NCK1: variants seen among roughly 807,000 people sequenced by gnomAD.
NCK1 encodes NCK adaptor protein 1.
A neutral mutation model predicts 36.6 loss-of-function variants in NCK1; 19 were observed. The ratio of observed to expected loss-of-function variants is 0.52; its 90% CI spans 0.36 to 0.76. The LOEUF (loss-of-function observed/expected upper bound fraction) is 0.76, where lower values mean the gene tolerates loss of function less well. Among genes scored for constraint, NCK1 ranks in the 30% least tolerant of loss-of-function variants. The pLI is 0.00. For synonymous variants in NCK1, 165 were observed against 156.0 expected, an observed-to-expected ratio of 1.06 and a Z score of -0.43; for missense variants, 358 against 445.6, an observed-to-expected ratio of 0.80 and a Z score of 1.77.
intron 1 of NCK1, among the ~76,000 whole-genome samples, chr3:136,922,029 T>G (rs540402382): frequency 6.6e-6 from 1 of 152,182 alleles, no homozygotes; most frequent in East Asian, 1.9e-4. Context: ...GTGATCTGCC[T>G]GCCTCGGCCT....
At chr3:136,924,552 G>A (rs906599900) in intron 1 of NCK1, among the ~76,000 whole-genome samples, 15 of 152,306 alleles carry the variant, frequency 9.8e-5, no homozygotes, top group African/African-American at 3.6e-4. Flanking sequence ...TTGAATATTA[G>A]CATTAGATGA....
intron 1 of NCK1, among the ~76,000 whole-genome samples, chr3:136,888,179 G>A (rs1480438907): frequency 6.6e-6 from 1 of 151,954 alleles, no homozygotes; most frequent in Non-Finnish European, 1.5e-5. Context: ...TCCTGACCTC[G>A]TGATCTGCCT....
intron 1 of NCK1, among the ~76,000 whole-genome samples, chr3:136,891,047 T>C (rs1046182289): frequency 5.3e-5 from 8 of 152,234 alleles, no homozygotes; most frequent in African/African-American, 1.9e-4. Flanking sequence ...TTTATTCACA[T>C]TGTAGCATGT....
At position 136,946,053 on chromosome 3, in the gene NCK1, A is replaced by G; in HGVS notation, c.697A>G (p.Arg233Gly). The G allele has an allele frequency of 6.2e-7, 1 of 1,614,060 alleles. No individual in the cohort carries two copies. The highest frequency in any genetic ancestry group is 8.5e-7 in the Non-Finnish European group (1 of 1,179,994). The change falls in exon 3 of 4, where the codon AGG (arginine) becomes GGG (glycine). Residue 233 changes from arginine (R) to glycine (G), a missense_variant. Physicochemically the swap from Arg to Gly is moderately radical, Grantham distance 125 (BLOSUM62 -2). This residue lies in a region of NCK1 where 207 missense variants were observed against 253.4 expected (regional missense o/e 0.82). Transcript: ENST00000481752. ...PENDPEWWKCRKINGMVGLVP... is the reference protein window; with the variant it reads ...PENDPEWWKCGKINGMVGLVP... ...AAATGACCCAGAGTGGTGGAAATGC[A>G]GGAAGATCAATGGTATGGTTGGTCT...
At chr3:136,869,121 T>A (rs1273596412) in intron 1 of NCK1, among the ~76,000 whole-genome samples, 3 of 151,576 alleles carry the variant, frequency 2.0e-5, no homozygotes, top group Non-Finnish European at 4.4e-5. Context: ...ATGCCTGTAG[T>A]CCCAGCTACC....
Position 136,949,205 on chromosome 3 carries a change from C to T in NCK1, c.*752C>T, listed in dbSNP as rs1305563397. ...TAGCTTTTCAAACTGTAAATAGATG[C>T]TCTAGTGTTATTTATTTTTTTAATC... On this transcript the variant is annotated 3_prime_UTR_variant, in exon 4 of 4. Transcript: ENST00000481752. 6.6e-6 allele frequency: 1 copy of T among 151,882 alleles called. No homozygotes were observed. Among genetic ancestry groups the T allele is most frequent in the African/African-American group, 2.4e-5 (1 of 41,396 alleles). The allele number at this position is 151,882 out of a possible 1,614,324, so 9.4% of individuals were successfully genotyped here. A position where few individuals can be genotyped will look rare whatever the true frequency, so the allele number is the denominator to read the frequency against.
At chr3:136,884,409 T>G (rs758056781) in intron 1 of NCK1, among the ~76,000 whole-genome samples, 1 of 152,158 alleles carries the variant, frequency 6.6e-6, no homozygotes, top group Non-Finnish European at 1.5e-5. Context: ...AAGTATAGCT[T>G]AATGAGAATG....
At chr3:136,880,146 G>A (rs1938888767) in intron 1 of NCK1, among the ~76,000 whole-genome samples, 1 of 152,022 alleles carries the variant, frequency 6.6e-6, no homozygotes, top group African/African-American at 2.4e-5. Flanking sequence ...TTAGCCGGGT[G>A]TGGTGGTGGG....
intron 1 of NCK1, among the ~76,000 whole-genome samples, chr3:136,885,910 CATAAT>C (rs1381214341): frequency 9.9e-5 from 15 of 152,126 alleles, no homozygotes; most frequent in African/African-American, 3.4e-4. Flanking sequence ...CTTCCATAGA[CATAAT>C]ATTTATTTAT....
rs1344285804 is a variant in NCK1, at chr3:136,928,093, T to C, written c.92T>C (p.Leu31Pro). 6.2e-7 allele frequency: 1 copy of C among 1,614,168 alleles called. No individual in the cohort carries two copies. The highest frequency in any genetic ancestry group is 1.1e-5 in the South Asian group (1 of 91,078). The change falls in exon 2 of 4, where the codon CTT becomes CCT. Residue 31 changes from leucine to proline, a missense_variant. Physicochemically the swap from Leu to Pro is moderately conservative, Grantham distance 98. Around this residue, in one of 3 missense-constraint regions of NCK1, gnomAD observed 143 missense variants for 162.4 expected, o/e 0.88. Transcript: ENST00000481752. ...LDIKKNERLW[L>P]LDDSKSWWRV... The stretch of plus-strand genomic sequence containing the variant: ...ATCAAGAAGAATGAGAGATTATGGC[T>C]TCTGGATGATTCTAAGTCCTGGTGG...
chr3:136,923,600 G>T (rs1210623863), intron 1 of NCK1, among the ~76,000 whole-genome samples: 1 of 123,590 alleles, frequency 8.1e-6, no homozygotes, highest in Non-Finnish European at 1.8e-5. Flanking sequence ...ATAAATGGCT[G>T]TCCAGTGGGG....
intron 2 of NCK1, among the ~76,000 whole-genome samples, chr3:136,932,294 T>C (rs1940412891): frequency 6.6e-6 from 1 of 152,116 alleles, no homozygotes. Context: ...CTTTGCTCAA[T>C]CCCTGCAGCA....
chr3:136,943,212 C>T (rs1940722706), intron 2 of NCK1, among the ~76,000 whole-genome samples: 1 of 152,060 alleles, frequency 6.6e-6, no homozygotes, highest in Admixed American at 6.5e-5. Context: ...TCATTAATTG[C>T]ATTCATTGCT....
intron 1 of NCK1, among the ~76,000 whole-genome samples, chr3:136,880,688 T>G (rs1464254884): frequency 2.0e-5 from 3 of 152,134 alleles, no homozygotes; most frequent in South Asian, 4.2e-4. Context: ...GAGTGCAGCC[T>G]CAATCTCCTA....
chr3:136,866,339 G>A (rs1938409944), intron 1 of NCK1, among the ~76,000 whole-genome samples: 1 of 144,882 alleles, frequency 6.9e-6, no homozygotes, highest in Non-Finnish European at 1.5e-5. Flanking sequence ...ACAGAGTCTC[G>A]CTCTGTTGCC....
chr3:136,943,862 G>A (rs918355076), intron 2 of NCK1, among the ~76,000 whole-genome samples: 1 of 152,108 alleles, frequency 6.6e-6, no homozygotes, highest in African/African-American at 2.4e-5. Flanking sequence ...TAAGAAATTC[G>A]GGGAAGTCAA....
intron 1 of NCK1, among the ~76,000 whole-genome samples, chr3:136,891,444 A>C (rs558825060): frequency 1.7e-4 from 26 of 152,206 alleles, no homozygotes; most frequent in Non-Finnish European, 3.1e-4. Context: ...CTGATCATGG[A>C]CACTTTGGTT....
intron 2 of NCK1, among the ~76,000 whole-genome samples, chr3:136,935,610 A>G (rs1192756162): frequency 6.6e-6 from 1 of 152,204 alleles, no homozygotes; most frequent in African/African-American, 2.4e-5. Flanking sequence ...CTGGTACAAC[A>G]TAATAGGCCT....
chr3:136,896,780 C>A (rs1331166503), intron 1 of NCK1, among the ~76,000 whole-genome samples: 2 of 151,860 alleles, frequency 1.3e-5, no homozygotes, highest in Admixed American at 1.3e-4. Context: ...GGATTACAGA[C>A]CTAGCACTGT....
Sources: allele counts gnomAD v4.1 joint callset (sites outside exome capture counted in the v4.1 genomes callset), GRCh38; gene constraint gnomAD v4.1.1; regional missense constraint gnomAD v4.1.1; transcripts MANE v1.5; gene names NCBI Gene and HGNC (gene_info 2026-07-23, HGNC 2026-07-21).